MEIS2: variants seen among roughly 807,000 people sequenced by gnomAD.
The protein encoded by MEIS2 is homeobox protein Meis2.
In MEIS2, 9 loss-of-function variants were observed where a neutral mutation model predicts 58.6. That is an observed-to-expected ratio of 0.15 (90% confidence interval 0.09 to 0.27). The LOEUF (loss-of-function observed/expected upper bound fraction) is 0.27, where lower values mean the gene tolerates loss of function less well. MEIS2 is among the 10% of genes least tolerant of loss of function. The pLI is 1.00. For synonymous variants in MEIS2, 221 were observed against 228.4 expected (o/e 0.97, Z 0.29); for missense variants, 427 against 635.0 (o/e 0.67, Z 3.52).
At chr15:37,060,900 T>C (rs1035944822) in intron 7 of MEIS2, among the ~76,000 whole-genome samples, 4 of 152,200 alleles carry the variant, frequency 2.6e-5, no homozygotes, top group Admixed American at 6.5e-5. Flanking sequence ...AGGTGTTTAA[T>C]AATGAAGTGG....
intron 8 of MEIS2, among the ~76,000 whole-genome samples, chr15:36,957,400 C>A (rs1244395756): frequency 6.6e-6 from 1 of 152,138 alleles, no homozygotes; most frequent in East Asian, 1.9e-4. Flanking sequence ...TATTTGAATT[C>A]AGTAAAATTC....
chr15:36,974,094 C>T (rs889426627), intron 8 of MEIS2, among the ~76,000 whole-genome samples: 19 of 152,160 alleles, frequency 1.2e-4, no homozygotes, highest in African/African-American at 4.3e-4. Flanking sequence ...CGAAGAGTGT[C>T]ACCAAACTTT....
intron 9 of MEIS2, among the ~76,000 whole-genome samples, chr15:36,926,799 A>C (rs960143372): frequency 4.6e-5 from 7 of 152,234 alleles, no homozygotes; most frequent in African/African-American, 1.4e-4. Flanking sequence ...GGCTGCATTC[A>C]TTTAAACACA....
intron 7 of MEIS2, among the ~76,000 whole-genome samples, chr15:37,053,688 A>G (rs1211877783): frequency 1.3e-5 from 2 of 152,150 alleles, no homozygotes; most frequent in Non-Finnish European, 2.9e-5. Context: ...CAACTATATA[A>G]CCAAGAGAAT....
Position 36,892,318 on chromosome 15 carries a change from G to T in MEIS2, c.1289C>A (p.Pro430Gln). 1 of 1,613,872 alleles carries T rather than the reference G, an allele frequency of 6.2e-7. No homozygotes were observed. Among genetic ancestry groups the T allele is most frequent in the Non-Finnish European group, 8.5e-7 (1 of 1,179,936 alleles). The change falls in exon 12 of 12, where the codon CCA becomes CAA. Residue 430 changes from proline (P) to glutamine (Q), a missense_variant. Physicochemically the swap from Pro to Gln is moderately conservative, Grantham distance 76. This residue lies in a region of MEIS2 where 154 missense variants were observed against 148.1 expected (regional missense o/e 1.04). Transcript: ENST00000561208. ...CATGGCTGGGTGGTGGGGATGGCTT[G>T]GCAAATATGAATGCATTGGGGGTCC... ...RHGPPMHSYL[P>Q]SHPHHPAMMM...
chr15:36,980,165 G>A (rs1381751315), intron 8 of MEIS2, among the ~76,000 whole-genome samples: 1 of 151,836 alleles, frequency 6.6e-6, no homozygotes, highest in Non-Finnish European at 1.5e-5. Flanking sequence ...TTAGTCACAT[G>A]TTTATTGTGA....
intron 8 of MEIS2, among the ~76,000 whole-genome samples, chr15:37,029,760 G>A (rs1490255737): frequency 6.6e-6 from 1 of 152,160 alleles, no homozygotes; most frequent in African/African-American, 2.4e-5. Context: ...GCTAAATAGG[G>A]CAGATAACTT....
At chr15:37,089,202 T>C (rs968212164) in intron 6 of MEIS2, among the ~76,000 whole-genome samples, 1 of 152,134 alleles carries the variant, frequency 6.6e-6, no homozygotes, top group Non-Finnish European at 1.5e-5. Flanking sequence ...TAGCATACCA[T>C]AAGGTCTCAC....
At chr15:37,061,628 T>A (rs1017188922) in intron 7 of MEIS2, among the ~76,000 whole-genome samples, 4 of 152,190 alleles carry the variant, frequency 2.6e-5, no homozygotes, top group South Asian at 2.1e-4. Flanking sequence ...TGAGCTAGCA[T>A]AAAATCTTTC....
In MEIS2 at chr15:37,099,362, G is replaced by A. The variant is rs888447787; in HGVS notation, c.12+93C>T. ...GGCCGCCATCATCAAGCAGCGAGCA[G>A]CAGCAGAAGCGTTGAAGGGAGAGGA... On this transcript the variant is annotated intron_variant, in intron 1 of 11. Transcript: ENST00000561208. The A allele has an allele frequency of 3.8e-6, 6 of 1,571,116 alleles. No homozygotes were observed. The African/African-American group carries it at 8.2e-5, about 22-fold the overall frequency.
intron 8 of MEIS2, among the ~76,000 whole-genome samples, chr15:36,986,554 A>G (rs2060098610): frequency 6.6e-6 from 1 of 151,970 alleles, no homozygotes; most frequent in African/African-American, 2.4e-5. Context: ...CAACTTCATT[A>G]CTCTCACGGG....
intron 8 of MEIS2, among the ~76,000 whole-genome samples, chr15:37,004,818 T>C (rs2060858564): frequency 6.6e-6 from 1 of 152,164 alleles, no homozygotes. Flanking sequence ...GATTATAATC[T>C]AGTGTTACAA....
At chr15:36,993,006 T>C (rs1462017836) in intron 8 of MEIS2, among the ~76,000 whole-genome samples, 3 of 152,142 alleles carry the variant, frequency 2.0e-5, no homozygotes, top group Non-Finnish European at 4.4e-5. Flanking sequence ...AAAAGTTAAA[T>C]ACCCTGATTC....
At chr15:36,988,434 C>G (rs1034816246) in intron 8 of MEIS2, among the ~76,000 whole-genome samples, 1 of 150,980 alleles carries the variant, frequency 6.6e-6, no homozygotes, top group Non-Finnish European at 1.5e-5. Flanking sequence ...AGCTGACATT[C>G]CTGTCACTTG....
intron 8 of MEIS2, among the ~76,000 whole-genome samples, chr15:36,970,373 C>CATGG (rs2059505321): frequency 6.7e-6 from 1 of 149,568 alleles, no homozygotes; most frequent in Non-Finnish European, 1.5e-5. Context: ...CACTGCACTC[C>CATGG]AGCCTGGGCG....
At chr15:37,075,946 TGCTGTATA>T (rs1454100279) in intron 7 of MEIS2, among the ~76,000 whole-genome samples, 1 of 152,034 alleles carries the variant, frequency 6.6e-6, no homozygotes, top group Non-Finnish European at 1.5e-5. Flanking sequence ...GGAAACTTAT[TGCTGTATA>T]GCAGGGATAC....
At chr15:36,900,782 C>T (rs186407899) in intron 9 of MEIS2, among the ~76,000 whole-genome samples, 35 of 152,334 alleles carry the variant, frequency 2.3e-4, no homozygotes, top group African/African-American at 7.9e-4. Context: ...AGACTTTTTA[C>T]TCCGAAGTAT....
At chr15:36,951,954 A>G (rs561507033) in intron 8 of MEIS2, among the ~76,000 whole-genome samples, 1 of 152,244 alleles carries the variant, frequency 6.6e-6, no homozygotes, top group East Asian at 1.9e-4. Context: ...GATAAATTGG[A>G]ATCCACAGTC....
chr15:36,908,791 T>C (rs752648191), intron 9 of MEIS2, among the ~76,000 whole-genome samples: 4 of 151,924 alleles, frequency 2.6e-5, no homozygotes, highest in Non-Finnish European at 4.4e-5. Context: ...AAAAAAGTAT[T>C]AGCCGGGCAT....
Sources: allele counts gnomAD v4.1 joint callset (sites outside exome capture counted in the v4.1 genomes callset), GRCh38; gene constraint gnomAD v4.1.1; regional missense constraint gnomAD v4.1.1; transcripts MANE v1.5; gene names NCBI Gene and HGNC (gene_info 2026-07-23, HGNC 2026-07-21).